ZNF268: variants seen among roughly 807,000 people sequenced by gnomAD.
ZNF268 encodes the protein zinc finger protein 268, also known as zinc finger protein 3.
ZNF268 carries 20 observed loss-of-function variants against 29.3 expected under a neutral mutation model. The ratio of observed to expected loss-of-function variants is 0.68; its 90% confidence interval spans 0.48 to 0.99. ZNF268 has a LOEUF of 0.99. ZNF268 is among the 50% of genes least tolerant of loss of function. The pLI, the probability that ZNF268 is intolerant of heterozygous loss-of-function variation, is 0.00. For missense variants in ZNF268, 1,240 were observed against 1,121.6 expected (o/e 1.11, Z -1.51); for synonymous variants, 429 against 376.9 (o/e 1.14, Z -1.60).
At chr12:133,191,764 A>T in intron 4 of ZNF268, 144 bp from the exon 5 acceptor site, 1 of 1,426,154 alleles carries the variant, frequency 7.0e-7, no homozygotes, top group Non-Finnish European at 9.8e-7. Context: ...GCAGCAGAGT[A>T]TGCCAGTTGA....
At chr12:133,194,722 C>G (rs962042739) in intron 5 of ZNF268, among the ~76,000 whole-genome samples, 3 of 152,188 alleles carry the variant, frequency 2.0e-5, no homozygotes, top group African/African-American at 7.2e-5. Flanking sequence ...GTCTTCACTT[C>G]CCTGACTGAA....
chr12:133,191,756 A>G (rs755395738), intron 4 of ZNF268, 141 bp downstream of exon 4: 2 of 1,452,804 alleles, frequency 1.4e-6, no homozygotes, highest in African/African-American at 2.8e-5. Flanking sequence ...CCCTATTGGC[A>G]GCAGAGTATG....
At chr12:133,190,588 A>G (rs1251161274) in intron 3 of ZNF268, among the ~76,000 whole-genome samples, 1 of 152,202 alleles carries the variant, frequency 6.6e-6, no homozygotes, top group Admixed American at 6.5e-5. Flanking sequence ...TACCATCTGT[A>G]TATTTTCATG....
In ZNF268 at chr12:133,205,900, G is replaced by C. The variant is rs1209495778; in HGVS notation, c.*1370G>C. Reference sequence around the variant, plus strand: ...GGCTCAGAACTGTACATTGTTAATGGGTTTTTCAAGTTCAGAAAAGCAACA... The same window carrying C: ...GGCTCAGAACTGTACATTGTTAATGCGTTTTTCAAGTTCAGAAAAGCAACA... On this transcript the variant is annotated 3_prime_UTR_variant, in exon 6 of 6. Coordinates refer to ENST00000536435, the MANE Select transcript of ZNF268 (RefSeq NM_003415.3). 6.6e-6 allele frequency: 1 copy of C among 152,154 alleles called. No individual in the cohort carries two copies. Among genetic ancestry groups the C allele is most frequent in the African/African-American group, 2.4e-5 (1 of 41,432 alleles). The allele number at this position is 152,154 out of a possible 1,614,324, so 9.4% of individuals were successfully genotyped here.
chr12:133,199,338 G>T (rs11147295), intron 5 of ZNF268, among the ~76,000 whole-genome samples: 88,620 of 150,360 alleles, frequency 0.59, 26,846 homozygotes, highest in African/African-American at 0.68. Flanking sequence ...TGGATTACAT[G>T]TATTGATTTG....
In ZNF268 at chr12:133,203,593, G is replaced by C. The variant is rs1956813095; in HGVS notation, c.1907G>C (p.Gly636Ala). The C allele has an allele frequency of 1.3e-6, 2 of 1,569,810 alleles. No homozygotes were observed. Among genetic ancestry groups the C allele is most frequent in the African/African-American group, 1.4e-5 (1 of 73,686 alleles). Reference protein sequence around the residue: ...NLIVHQRTHTGEKPYSCNECG... With the variant: ...NLIVHQRTHTAEKPYSCNECG... ...ATTGTACATCAGAGAACTCATACAGGAGAGAAACCCTATAGTTGTAATGAA... is the reference window on the plus strand; with the variant it reads ...ATTGTACATCAGAGAACTCATACAGCAGAGAAACCCTATAGTTGTAATGAA... The change falls in exon 6 of 6, where the codon GGA becomes GCA. Residue 636 changes from glycine (G) to alanine (A), a missense_variant. Around this residue, in one of 3 missense-constraint regions of ZNF268, gnomAD observed 1,177 missense variants for 1,039.6 expected, o/e 1.13. Transcript: ENST00000536435.
intron 2 of ZNF268, among the ~76,000 whole-genome samples, chr12:133,185,073 A>G (rs1956275278): frequency 1.3e-5 from 2 of 151,840 alleles, no homozygotes; most frequent in Non-Finnish European, 1.5e-5. Context: ...AATCCCAGCT[A>G]CACGGGAGGC....
In ZNF268 at chr12:133,211,208, T is replaced by TACAAA. The variant is rs538138072; in HGVS notation, c.*6679_*6680insCAAAA. On this transcript the variant is annotated 3_prime_UTR_variant, in exon 6 of 6. Coordinates refer to ENST00000536435, the MANE Select transcript of ZNF268 (RefSeq NM_003415.3). ...TGAAAAAGTGTTTGTATGCAAAATA[T>TACAAA]AAAAAAAAAACCCTAAAATTGAACA... is the stretch of plus-strand genomic sequence containing the variant. The TACAAA allele has an allele frequency of 5.0e-4, 138 of 276,018 alleles. No individual in the cohort carries two copies. The highest frequency in any genetic ancestry group is 3.9e-3 in the African/African-American group (132 of 33,520). The allele number at this position is 276,018 out of a possible 1,614,324, so 17.1% of individuals were successfully genotyped here.
chr12:133,185,232 G>T (rs1956280379), intron 2 of ZNF268, among the ~76,000 whole-genome samples: 1 of 151,658 alleles, frequency 6.6e-6, no homozygotes, highest in South Asian at 2.1e-4. Context: ...TTTAGCTTGG[G>T]TGCTCAGGGA....
Position 133,182,040 on chromosome 12 carries a change from G to A in ZNF268, c.33+10G>A. The stretch of plus-strand genomic sequence containing the variant: ...GACAGCTTCTATTTGGGTGAGTAGG[G>A]GTTTTCTTTCATTCTTGAAAAGCTC... On this transcript the variant is annotated intron_variant, in intron 2 of 5. Transcript: ENST00000536435. 1.9e-6 allele frequency: 3 copies of A among 1,558,154 alleles called. No homozygotes were observed. Among genetic ancestry groups the A allele is most frequent in the Non-Finnish European group, 2.6e-6 (3 of 1,150,624 alleles).
intron 2 of ZNF268, chr12:133,184,764 G>A (rs753978996): frequency 2.0e-5 from 9 of 440,838 alleles, no homozygotes; most frequent in African/African-American, 6.0e-5. Context: ...TTACAGGTGC[G>A]CACCACCATG....
In ZNF268 at chr12:133,212,080, T is replaced by A. The variant is rs1956990324; in HGVS notation, c.*7550T>A. 1 of 152,228 alleles carries A rather than the reference T, an allele frequency of 6.6e-6. No homozygotes were observed. Among genetic ancestry groups the A allele is most frequent in the Admixed American group, 6.5e-5 (1 of 15,274 alleles). 9.4% of individuals were successfully genotyped at this position (152,228 alleles called of 1,614,324 possible). A position where few individuals can be genotyped will look rare whatever the true frequency, so the allele number is the denominator to read the frequency against. ...AGGCCATGCAGGACATGGATGAATC[T>A]GATAGGCATATTGCTAAGTGAAAGA... On this transcript the variant is annotated 3_prime_UTR_variant, in exon 6 of 6. Transcript: ENST00000536435.
rs1193155610 is a variant in ZNF268, at chr12:133,206,574, G to T, written c.*2044G>T. ...ATCTGGGAAGAGTGGGACCCTGCCAGTTAGATTAGGGCTATCTTGGAGGAA... is the reference window on the plus strand; with the variant it reads ...ATCTGGGAAGAGTGGGACCCTGCCATTTAGATTAGGGCTATCTTGGAGGAA... On this transcript the variant is annotated 3_prime_UTR_variant, in exon 6 of 6. Coordinates refer to ENST00000536435, the MANE Select transcript of ZNF268 (RefSeq NM_003415.3). The T allele has an allele frequency of 6.6e-6, 1 of 152,156 alleles. No homozygotes were observed. The highest frequency in any genetic ancestry group is 2.4e-5 in the African/African-American group (1 of 41,428). 9.4% of individuals were successfully genotyped at this position (152,156 alleles called of 1,614,324 possible).
At position 133,198,183 on chromosome 12, in the gene ZNF268, C is replaced by G. The variant is rs1956658954; in HGVS notation, c.458-3961C>G. Among the ~76,000 whole-genome samples the G allele has an allele frequency of 1.8e-4, 27 of 147,738 alleles. 1 individual carries two copies. The highest frequency in any genetic ancestry group is 1.7e-3 in the Admixed American group (26 of 14,898). Reference sequence around the variant, plus strand: ...ATGGTTTTAGGTCTAACGTTTAAGTCTTTAATCCATCTTGAATTGATTTTT... The same window carrying G: ...ATGGTTTTAGGTCTAACGTTTAAGTGTTTAATCCATCTTGAATTGATTTTT... On this transcript the variant is annotated intron_variant, in intron 5 of 5. Transcript: ENST00000536435.
rs138369699 is a variant in ZNF268 at position 133,210,743 on chromosome 12, A to G, written c.*6213A>G. The G allele has an allele frequency of 0.67, 293,494 of 436,504 alleles. 99,918 individuals are homozygous for G. Among genetic ancestry groups the G allele is most frequent in the East Asian group, 0.92 (12,868 of 14,000 alleles). The allele number at this position is 436,504 out of a possible 1,614,324, so 27.0% of individuals were successfully genotyped here. On this transcript the variant is annotated 3_prime_UTR_variant, in exon 6 of 6. Transcript: ENST00000536435. ...GTCAGTCCTGAGGAGAAGGCAGCTC[A>G]GTCTTTACTGTGATGCAGCCTCTAG...
chr12:133,202,633 A>G lies in ZNF268; in HGVS notation c.947A>G (p.Lys316Arg). Reference protein sequence around the residue: ...CNECGKDFSSKSYLIVHQRIH... With the variant: ...CNECGKDFSSRSYLIVHQRIH... ...GAATGTGGGAAAGACTTCAGTAGTA[A>G]ATCATACCTCATTGTACATCAGAGA... The change falls in exon 6 of 6, where the codon AAA (lysine) becomes AGA (arginine). Residue 316 changes from lysine to arginine, a missense_variant. Lys to Arg is a conservative substitution (Grantham distance 26, BLOSUM62 2). This residue lies in a region of ZNF268 where 1,177 missense variants were observed against 1,039.6 expected (regional missense o/e 1.13). Transcript: ENST00000536435. 1 of 1,605,444 alleles carries G rather than the reference A, an allele frequency of 6.2e-7. No individual in the cohort carries two copies. The highest frequency in any genetic ancestry group is 8.5e-7 in the Non-Finnish European group (1 of 1,175,382).
chr12:133,197,130 G>A (rs1956625707), intron 5 of ZNF268, among the ~76,000 whole-genome samples: 1 of 150,124 alleles, frequency 6.7e-6, no homozygotes. Flanking sequence ...CTAGTGTGCT[G>A]CACCCACTAA....
Position 133,206,521 on chromosome 12 carries a change from A to G in ZNF268, c.*1991A>G, listed in dbSNP as rs1306868630. On this transcript the variant is annotated 3_prime_UTR_variant, in exon 6 of 6. Coordinates refer to ENST00000536435, the MANE Select transcript of ZNF268 (RefSeq NM_003415.3). ...CAAAGTTAGTTTTCTTCACTACCTC[A>G]TCAGGTTTGTTATGTGAGTGGGCAT... 6.6e-6 allele frequency: 1 copy of G among 152,188 alleles called. No homozygotes were observed. The highest frequency in any genetic ancestry group is 2.4e-5 in the African/African-American group (1 of 41,440). The allele number at this position is 152,188 out of a possible 1,614,324, so 9.4% of individuals were successfully genotyped here. A position where few individuals can be genotyped will look rare whatever the true frequency, so the allele number is the denominator to read the frequency against.
At chr12:133,189,998 C>T (rs1016940518) in intron 3 of ZNF268, among the ~76,000 whole-genome samples, 10 of 132,392 alleles carry the variant, frequency 7.6e-5, no homozygotes, top group Non-Finnish European at 1.3e-4. Flanking sequence ...TTAGTAGAGA[C>T]GAAGTTTCAC....
Sources: gnomAD v4.1 joint callset for allele counts (sites outside exome capture counted in the v4.1 genomes callset) on GRCh38, gnomAD v4.1.1 for gene constraint, gnomAD v4.1.1 regional missense constraint, MANE v1.5 for transcripts, NCBI Gene and HGNC (gene_info 2026-07-23, HGNC 2026-07-21) for gene names.